CSMD1: variants seen among roughly 807,000 people sequenced by gnomAD.
CSMD1 encodes the protein CUB and sushi domain-containing protein 1.
A neutral mutation model predicts 417.5 loss-of-function variants in CSMD1; 213 were observed. That is an observed-to-expected ratio of 0.51 (90% CI 0.46 to 0.57). CSMD1 has a LOEUF of 0.57. CSMD1 is among the 20% of genes least tolerant of loss of function. The pLI, the probability that CSMD1 is intolerant of heterozygous loss-of-function variation, is 0.00. For synonymous variants in CSMD1, 2,862 were observed against 1,736.8 expected, an observed-to-expected ratio of 1.65 and a Z score of -16.11; for missense variants, 6,923 against 4,529.7, an observed-to-expected ratio of 1.53 and a Z score of -15.17.
intron 2 of CSMD1, among the ~76,000 whole-genome samples, chr8:4,566,600 C>T (rs1232521801): frequency 7.7e-6 from 1 of 129,988 alleles, no homozygotes; most frequent in Non-Finnish European, 1.5e-5. Flanking sequence ...TTGCAGTGAG[C>T]TGAGATCGCA....
chr8:3,675,577 G>T (rs567620628), intron 7 of CSMD1, among the ~76,000 whole-genome samples: 6 of 152,110 alleles, frequency 3.9e-5, no homozygotes, highest in African/African-American at 1.2e-4. Flanking sequence ...TTTACATGCA[G>T]ACACGAGGGT....
At chr8:4,566,504 T>A (rs1283812392) in intron 2 of CSMD1, among the ~76,000 whole-genome samples, 4 of 151,624 alleles carry the variant, frequency 2.6e-5, no homozygotes, top group African/African-American at 9.7e-5. Context: ...ATACAAAAAA[T>A]TAGCCGGGCG....
intron 3 of CSMD1, among the ~76,000 whole-genome samples, chr8:4,077,853 G>A (rs1229489433): frequency 6.6e-6 from 1 of 152,022 alleles, no homozygotes; most frequent in African/African-American, 2.4e-5. Flanking sequence ...GCCTAAATAT[G>A]CCTCCTTCCT....
At position 4,032,033 on chromosome 8, in the gene CSMD1, A is replaced by C. The variant is rs746667844; in HGVS notation, c.482T>G (p.Phe161Cys). The C allele has an allele frequency of 2.5e-6, 4 of 1,613,952 alleles. No individual in the cohort carries two copies. The highest frequency in any genetic ancestry group is 3.4e-6 in the Non-Finnish European group (4 of 1,179,858). ...GTACCGGATTTTGTCTCCTATGTTG[A>C]ATCTCGTTCCATGCAGAACTCCTTT... ...ILKGVLHGTR[F>C]NIGDKIRYSC... The change falls in exon 4 of 70, where the codon TTC becomes TGC. Residue 161 changes from phenylalanine (F) to cysteine (C), a missense_variant. Physicochemically the swap from Phe to Cys is radical, Grantham distance 205 (BLOSUM62 -2). Transcript: ENST00000635120.
intron 3 of CSMD1, among the ~76,000 whole-genome samples, chr8:4,057,326 GTCT>G (rs1165757960): frequency 1.3e-5 from 2 of 152,174 alleles, no homozygotes; most frequent in African/African-American, 4.8e-5. Context: ...CTGCATAAAT[GTCT>G]TCTTTTGAGA....
At chr8:4,551,501 T>C (rs1005098199) in intron 2 of CSMD1, among the ~76,000 whole-genome samples, 2 of 152,128 alleles carry the variant, frequency 1.3e-5, no homozygotes, top group African/African-American at 4.8e-5. Context: ...GAAAAACAAC[T>C]TGAAATTGAA....
rs1486941381 is a variant in CSMD1 at position 3,930,463 on chromosome 8, T to A, written c.818+67440A>T. Among the ~76,000 whole-genome samples the A allele has an allele frequency of 5.3e-5, 8 of 150,676 alleles. 1 individual carries two copies. Among genetic ancestry groups the A allele is most frequent in the African/African-American group, 9.8e-5 (4 of 40,828 alleles). ...CTTCTTCCTTATTTGAAGGTCTTTT[T>A]ACCTTTCTCACCATTCCACAAGTTA... On this transcript the variant is annotated intron_variant, in intron 5 of 69. Transcript: ENST00000635120.
chr8:4,041,896 T>C (rs901983419), intron 3 of CSMD1, among the ~76,000 whole-genome samples: 2 of 152,050 alleles, frequency 1.3e-5, no homozygotes, highest in Non-Finnish European at 2.9e-5. Context: ...TAAGGTAGAA[T>C]AGATATAGCA....
intron 3 of CSMD1, among the ~76,000 whole-genome samples, chr8:4,190,045 T>G (rs1370419068): frequency 6.6e-6 from 1 of 151,480 alleles, no homozygotes; most frequent in Non-Finnish European, 1.5e-5. Flanking sequence ...GAACACGAGG[T>G]CAGGAGATCG....
chr8:4,652,851 G>C (rs192372617), intron 1 of CSMD1, among the ~76,000 whole-genome samples: 1 of 152,190 alleles, frequency 6.6e-6, no homozygotes, highest in African/African-American at 2.4e-5. Flanking sequence ...GATCCCTTGC[G>C]TGCACCGTTC....
intron 9 of CSMD1, among the ~76,000 whole-genome samples, chr8:3,579,519 T>C (rs1800293143): frequency 6.6e-6 from 1 of 152,186 alleles, no homozygotes; most frequent in Non-Finnish European, 1.5e-5. Flanking sequence ...TATAATTACA[T>C]TGGATAGCCT....
In CSMD1 at chr8:4,290,416, C is replaced by T. The variant is rs186286605; in HGVS notation, c.415+129537G>A. 1.2e-3 allele frequency among the ~76,000 whole-genome samples: 184 copies of T among 152,258 alleles called. 1 individual carries two copies. Among genetic ancestry groups the T allele is most frequent in the Admixed American group, 2.2e-3 (33 of 15,294 alleles). On this transcript the variant is annotated intron_variant, in intron 3 of 69. Coordinates refer to ENST00000635120, the MANE Select transcript of CSMD1 (RefSeq NM_033225.6). ...TGGTAAACACAGATCAGAAAGGTCT[C>T]TAACATGAGATTTGAACTTCCATGC... is the stretch of plus-strand genomic sequence containing the variant.
chr8:4,347,584 A>T (rs1013622934), intron 3 of CSMD1, among the ~76,000 whole-genome samples: 1 of 152,152 alleles, frequency 6.6e-6, no homozygotes, highest in Non-Finnish European at 1.5e-5. Context: ...AAGTTCGCCA[A>T]AGAGAATGTA....
At chr8:3,437,076 C>T (rs536672735) in intron 12 of CSMD1, among the ~76,000 whole-genome samples, 4 of 152,202 alleles carry the variant, frequency 2.6e-5, no homozygotes, top group East Asian at 3.9e-4. Context: ...TCTCATGCAT[C>T]GAAAAACTTC....
At chr8:4,720,394 A>C (rs1181736010) in intron 1 of CSMD1, among the ~76,000 whole-genome samples, 2 of 152,090 alleles carry the variant, frequency 1.3e-5, no homozygotes, top group African/African-American at 4.8e-5. Flanking sequence ...ATGCAAAACT[A>C]TCAGCTACTA....
intron 11 of CSMD1, among the ~76,000 whole-genome samples, chr8:3,486,997 G>T (rs374054414): frequency 2.0e-5 from 3 of 152,014 alleles, no homozygotes; most frequent in African/African-American, 2.4e-5. Context: ...TTGATCCTGG[G>T]GAGTTGATCC....
chr8:3,207,145 C>A (rs1193453660), intron 30 of CSMD1, among the ~76,000 whole-genome samples: 2 of 107,062 alleles, frequency 1.9e-5, no homozygotes, highest in African/African-American at 7.3e-5. Flanking sequence ...TTTTTTTTTT[C>A]ATTTTCTTTT....
At chr8:3,403,897 A>C (rs1812188993) in intron 15 of CSMD1, among the ~76,000 whole-genome samples, 1 of 152,168 alleles carries the variant, frequency 6.6e-6, no homozygotes, top group African/African-American at 2.4e-5. Flanking sequence ...TACATTTACC[A>C]TATGTGATGG....
chr8:4,341,176 A>G (rs775493411), intron 3 of CSMD1, among the ~76,000 whole-genome samples: 1 of 152,084 alleles, frequency 6.6e-6, no homozygotes, highest in African/African-American at 2.4e-5. Context: ...TTGATCATCT[A>G]TATTTGGGGA....
Sources: gnomAD v4.1 joint callset for allele counts (sites outside exome capture counted in the v4.1 genomes callset) on GRCh38, gnomAD v4.1.1 for gene constraint, MANE v1.5 for transcripts, NCBI Gene and HGNC (gene_info 2026-07-23, HGNC 2026-07-21) for gene names.